The following ASB1 variants were observed in gnomAD, a reference collection of about 807,000 sequenced individuals.
ASB1 encodes ankyrin repeat and SOCS box protein 1.
Under a neutral mutation model 27.7 loss-of-function variants are expected in ASB1, and 18 were observed. That is an observed-to-expected ratio of 0.65 (90% CI 0.45 to 0.96). ASB1 has a LOEUF of 0.96. ASB1 is among the 50% of genes least tolerant of loss of function. The pLI, the probability that ASB1 is intolerant of heterozygous loss-of-function variation, is 0.00. For missense variants in ASB1, 397 were observed against 451.7 expected (o/e 0.88, Z 1.10); for synonymous variants, 189 against 187.6 (o/e 1.01, Z -0.06).
chr2:238,433,201 C>T (rs1432916133), intron 1 of ASB1: 1 of 181,700 alleles, frequency 5.5e-6, no homozygotes, highest in Admixed American at 5.6e-5. Context: ...AGTTCCTGGG[C>T]CCCATCAACT....
intron 2 of ASB1, among the ~76,000 whole-genome samples, 190 bp from the exon 3 acceptor site, chr2:238,435,521 G>C (rs1036680260): frequency 1.2e-4 from 19 of 152,312 alleles, no homozygotes; most frequent in Non-Finnish European, 1.0e-4. Flanking sequence ...AATGGGGCTC[G>C]TAATGCCTGC....
chr2:238,444,803 A>C (rs1278563023), intron 4 of ASB1, 76 bp downstream of exon 4: 18 of 1,479,976 alleles, frequency 1.2e-5, no homozygotes, highest in Non-Finnish European at 1.6e-5. Context: ...TAAACAAAAA[A>C]CAAAAACCTC....
Position 238,433,627 on chromosome 2 carries a change from C to A in ASB1, c.123C>A (p.Leu41=). The stretch of plus-strand genomic sequence containing the variant: ...TGGAGCACTGTGAGGACACGAGGCT[C>A]CATGATGCAGCTTACGTCGGGGACC... ...HPLEHCEDTR[L]HDAAYVGDLQ... Residue 41 remains leucine, a synonymous_variant, in exon 2 of 5, where the codon CTC becomes CTA. Transcript: ENST00000264607. 2 of 1,614,104 alleles carry A rather than the reference C, an allele frequency of 1.2e-6. No individual in the cohort carries two copies. The highest frequency in any genetic ancestry group is 1.7e-6 in the Non-Finnish European group (2 of 1,180,008).
rs1322289932 is a variant in ASB1 at position 238,433,709 on chromosome 2, C to T, written c.191+14C>T. 6.2e-7 allele frequency: 1 copy of T among 1,613,342 alleles called. No individual in the cohort carries two copies. The highest frequency in any genetic ancestry group is 1.1e-5 in the South Asian group (1 of 91,050). ...GAGCTACCGGAGGTGAGCGGCGCTG[C>T]CCAGGGCTGGTCCGGGTACTAGGGC... On this transcript the variant is annotated intron_variant, in intron 2 of 4. Coordinates refer to ENST00000264607, the MANE Select transcript of ASB1 (RefSeq NM_001040445.3).
chr2:238,430,916 G>C (rs1701859900), intron 1 of ASB1, among the ~76,000 whole-genome samples: 1 of 152,250 alleles, frequency 6.6e-6, no homozygotes, highest in Admixed American at 6.5e-5. Flanking sequence ...GCTGTGAACA[G>C]ATGTGCTGCC....
chr2:238,435,772 G>A lies in ASB1; in HGVS notation c.253G>A (p.Ala85Thr), dbSNP rs1559413410. Reference sequence around the variant, plus strand: ...GCTCCCCTGCACACCGTTGCGAATCGCGGCCACTGCAGGCCATGGGAGCTG... The same window carrying A: ...GCTCCCCTGCACACCGTTGCGAATCACGGCCACTGCAGGCCATGGGAGCTG... Reference protein sequence around the residue: ...GWLPCTPLRIAATAGHGSCVD... With the variant: ...GWLPCTPLRITATAGHGSCVD... Residue 85 changes from alanine (A) to threonine (T), a missense_variant, in exon 3 of 5, where the codon GCG (alanine) becomes ACG (threonine). Ala to Thr is a moderately conservative substitution (Grantham distance 58). Coordinates refer to ENST00000264607, the MANE Select transcript of ASB1 (RefSeq NM_001040445.3). 7.4e-6 allele frequency: 12 copies of A among 1,614,056 alleles called. No homozygotes were observed. The highest frequency in any genetic ancestry group is 9.3e-6 in the Non-Finnish European group (11 of 1,180,020).
At chr2:238,431,251 T>C (rs1365730177) in intron 1 of ASB1, among the ~76,000 whole-genome samples, 1 of 152,166 alleles carries the variant, frequency 6.6e-6, no homozygotes, top group African/African-American at 2.4e-5. Flanking sequence ...TTTGTACTTT[T>C]GTGTGATGGA....
At chr2:238,444,796 A>G (rs1702146914) in intron 4 of ASB1, 69 bp downstream of exon 4, 3 of 1,486,494 alleles carry the variant, frequency 2.0e-6, no homozygotes, top group Non-Finnish European at 1.8e-6. Context: ...GTAGCAATAA[A>G]CAAAAAACAA....
intron 3 of ASB1, among the ~76,000 whole-genome samples, chr2:238,437,266 G>C (rs1432365540): frequency 2.6e-5 from 4 of 151,724 alleles, no homozygotes; most frequent in African/African-American, 7.3e-5. Flanking sequence ...GAGTCTTGCA[G>C]TGTTGCCCAG....
chr2:238,441,891 C>T (rs762170825), intron 3 of ASB1, among the ~76,000 whole-genome samples: 13 of 152,182 alleles, frequency 8.5e-5, no homozygotes, highest in African/African-American at 1.9e-4. Flanking sequence ...ATTTTGCTAG[C>T]GATTGACAGA....
chr2:238,436,664 C>T (rs1701976975), intron 3 of ASB1, among the ~76,000 whole-genome samples: 1 of 151,918 alleles, frequency 6.6e-6, no homozygotes, highest in Admixed American at 6.6e-5. Context: ...ATGCTGGCTT[C>T]TTCTTATTTT....
At chr2:238,440,720 C>G (rs770421004) in intron 3 of ASB1, among the ~76,000 whole-genome samples, 1 of 151,562 alleles carries the variant, frequency 6.6e-6, no homozygotes, top group Non-Finnish European at 1.5e-5. Flanking sequence ...GATAGAGAGC[C>G]GTATATTTGG....
chr2:238,435,618 G>A (rs1160489987), intron 2 of ASB1, 93 bp from the exon 3 acceptor site: 2 of 1,310,808 alleles, frequency 1.5e-6, no homozygotes, highest in Non-Finnish European at 2.1e-6. Context: ...ACCAGAGGGG[G>A]ACCGTGTCCA....
At position 238,427,037 on chromosome 2, in the gene ASB1, C is replaced by G; in HGVS notation, c.-34C>G. The G allele has an allele frequency of 8.0e-7, 1 of 1,244,704 alleles. No homozygotes were observed. Among genetic ancestry groups the G allele is most frequent in the Non-Finnish European group, 1.0e-6 (1 of 994,312 alleles). 77.1% of individuals were successfully genotyped at this position (1,244,704 alleles called of 1,614,324 possible). On this transcript the variant is annotated 5_prime_UTR_variant, in exon 1 of 5. Transcript: ENST00000264607. ...CTGCTTCCTGCCCGAGGGGCGTGCG[C>G]GGGTCAGGGGCGGCCGCGGAGGCGG...
rs1702282038 is a variant in ASB1, at chr2:238,451,378, T to C, written c.*4867T>C. 6.6e-6 allele frequency: 1 copy of C among 152,262 alleles called. No homozygotes were observed. The highest frequency in any genetic ancestry group is 1.5e-5 in the Non-Finnish European group (1 of 68,060). The allele number at this position is 152,262 out of a possible 1,614,324, so 9.4% of individuals were successfully genotyped here. Reference sequence around the variant, plus strand: ...ATACTAGGTAGTGTATGAATGTGCATAAATCCAGTTTGAGAATGGTGTTTA... The same window carrying C: ...ATACTAGGTAGTGTATGAATGTGCACAAATCCAGTTTGAGAATGGTGTTTA... On this transcript the variant is annotated 3_prime_UTR_variant, in exon 5 of 5. Coordinates refer to ENST00000264607, the MANE Select transcript of ASB1 (RefSeq NM_001040445.3).
intron 3 of ASB1, among the ~76,000 whole-genome samples, chr2:238,442,057 T>G (rs1045006603): frequency 6.6e-6 from 1 of 152,198 alleles, no homozygotes; most frequent in Non-Finnish European, 1.5e-5. Flanking sequence ...GCATTTCTGT[T>G]CCGAGTGAGG....
Position 238,433,575 on chromosome 2 carries a change from T to C in ASB1, c.71T>C (p.Leu24Pro), listed in dbSNP as rs1701910090. 1 of 1,614,144 alleles carries C rather than the reference T, an allele frequency of 6.2e-7. No homozygotes were observed. The highest frequency in any genetic ancestry group is 8.5e-7 in the Non-Finnish European group (1 of 1,180,016). Reference sequence around the variant, plus strand: ...GCAGGTCGTAATCTGAAGGAGTGGCTGAGGGAGCAATTTTGTGATCATCCG... The same window carrying C: ...GCAGGTCGTAATCTGAAGGAGTGGCCGAGGGAGCAATTTTGTGATCATCCG... ...GSAGRNLKEW[L>P]REQFCDHPLE... The change falls in exon 2 of 5, where the codon CTG becomes CCG. Residue 24 changes from leucine to proline, a missense_variant. Coordinates refer to ENST00000264607, the MANE Select transcript of ASB1 (RefSeq NM_001040445.3).
intron 3 of ASB1, among the ~76,000 whole-genome samples, chr2:238,443,321 A>G (rs1702113921): frequency 6.6e-6 from 1 of 152,320 alleles, no homozygotes; most frequent in African/African-American, 2.4e-5. Flanking sequence ...GCTATCATAA[A>G]TGGAATTTTC....
At chr2:238,427,385 C>T (rs555588116) in intron 1 of ASB1, 24 of 363,654 alleles carry the variant, frequency 6.6e-5, no homozygotes, top group African/African-American at 2.7e-4. Context: ...TCGTAACTTC[C>T]TTCCCGTTAG....
Sources: allele counts gnomAD v4.1 joint callset (sites outside exome capture counted in the v4.1 genomes callset), GRCh38; gene constraint gnomAD v4.1.1; transcripts MANE v1.5; gene names NCBI Gene and HGNC (gene_info 2026-07-23, HGNC 2026-07-21).